The following BBX variants were observed in gnomAD, a reference collection of about 807,000 sequenced individuals.
The protein encoded by BBX is BBX high mobility group box domain containing.
Under a neutral mutation model 100.2 loss-of-function variants are expected in BBX, and 30 were observed. The ratio of observed to expected loss-of-function variants is 0.30; its 90% CI spans 0.22 to 0.41. The LOEUF is 0.41. Among genes scored for constraint, BBX ranks in the 10% least tolerant of loss-of-function variants. The pLI is 1.00. For synonymous variants in BBX, 376 were observed against 388.1 expected (o/e 0.97, Z 0.37); for missense variants, 1,023 against 1,129.8 (o/e 0.91, Z 1.35).
At position 107,772,988 on chromosome 3, in the gene BBX, C is replaced by A. The variant is rs1371986339; in HGVS notation, c.1267C>A (p.Pro423Thr). 6.2e-7 allele frequency: 1 copy of A among 1,613,838 alleles called. No homozygotes were observed. Among genetic ancestry groups the A allele is most frequent in the Non-Finnish European group, 8.5e-7 (1 of 1,179,952 alleles). Residue 423 changes from proline to threonine, a missense_variant, in exon 11 of 18, where the codon CCC becomes ACC. Physicochemically the swap from Pro to Thr is conservative, Grantham distance 38. Around this residue, in one of 9 missense-constraint regions of BBX, gnomAD observed 348 missense variants for 353.2 expected, o/e 0.99. Coordinates refer to ENST00000325805, the MANE Select transcript of BBX (RefSeq NM_001142568.3). ...TAGCAAGATAATAATTAGTGATGTT[C>A]CCAGTAGAAAGGATCATATGTGCCA... ...ASSKIIISDV[P>T]SRKDHMCHPH...
At chr3:107,551,190 G>C (rs1478772492) in intron 2 of BBX, among the ~76,000 whole-genome samples, 2 of 152,108 alleles carry the variant, frequency 1.3e-5, no homozygotes, top group Non-Finnish European at 2.9e-5. Flanking sequence ...TATATTCTGT[G>C]TTATACATAC....
chr3:107,573,736 T>C lies in BBX; in HGVS notation c.-84+47338T>C, dbSNP rs183782684. 2.0e-3 allele frequency among the ~76,000 whole-genome samples: 304 copies of C among 152,004 alleles called. 1 individual carries two copies. The highest frequency in any genetic ancestry group is 7.0e-3 in the African/African-American group (292 of 41,484). ...GTCCTAATTTAAAATCTCTCTCTCTTTTTTTTTGAGGTAAGGTTTCGCTCT... is the reference window on the plus strand; with the variant it reads ...GTCCTAATTTAAAATCTCTCTCTCTCTTTTTTTGAGGTAAGGTTTCGCTCT... On this transcript the variant is annotated intron_variant, in intron 2 of 17. Coordinates refer to ENST00000325805, the MANE Select transcript of BBX (RefSeq NM_001142568.3).
rs541627555 is a variant in BBX, at chr3:107,698,771, A to G, written c.-9-11681A>G. Among the ~76,000 whole-genome samples, 6 of 147,728 alleles carry G rather than the reference A, an allele frequency of 4.1e-5. 1 individual carries two copies. Among genetic ancestry groups the G allele is most frequent in the African/African-American group, 1.5e-4 (6 of 40,936 alleles). ...GATAATTATTTCTCTTCTGAGGTCA[A>G]AATTACAAATAGAGAGTCATTTTTT... On this transcript the variant is annotated intron_variant, in intron 3 of 17. Coordinates refer to ENST00000325805, the MANE Select transcript of BBX (RefSeq NM_001142568.3).
At chr3:107,790,676 C>T (rs1330222154) in intron 14 of BBX, among the ~76,000 whole-genome samples, 2 of 152,162 alleles carry the variant, frequency 1.3e-5, no homozygotes, top group East Asian at 1.9e-4. Flanking sequence ...ATGTTAGTGT[C>T]GTGACTACCA....
At chr3:107,717,249 G>A (rs79840612) in intron 5 of BBX, among the ~76,000 whole-genome samples, 3,592 of 151,922 alleles carry the variant, frequency 0.024, 146 homozygotes, top group African/African-American at 0.078. Context: ...TACTTTTATT[G>A]TCAGAGAATG....
intron 2 of BBX, among the ~76,000 whole-genome samples, chr3:107,634,972 G>T (rs1464369589): frequency 6.6e-6 from 1 of 152,170 alleles, no homozygotes; most frequent in Non-Finnish European, 1.5e-5. Flanking sequence ...ATGTTCATGT[G>T]TGACCATATC....
At chr3:107,647,734 G>T (rs1015943986) in intron 3 of BBX, among the ~76,000 whole-genome samples, 1 of 152,162 alleles carries the variant, frequency 6.6e-6, no homozygotes, top group Non-Finnish European at 1.5e-5. Flanking sequence ...TATCAGAAGA[G>T]CCTCCAAATC....
intron 2 of BBX, among the ~76,000 whole-genome samples, chr3:107,534,242 G>A (rs1228199629): frequency 6.6e-6 from 1 of 152,162 alleles, no homozygotes; most frequent in Non-Finnish European, 1.5e-5. Context: ...TAGCAATGCT[G>A]ATTCTTTTAA....
intron 11 of BBX, among the ~76,000 whole-genome samples, 164 bp from the exon 12 acceptor site, chr3:107,774,555 T>G (rs537521240): frequency 6.6e-6 from 1 of 152,274 alleles, no homozygotes; most frequent in African/African-American, 2.4e-5. Flanking sequence ...GTTCCATTAT[T>G]AAAGATGGTC....
At chr3:107,804,681 G>C (rs1251582406) in intron 17 of BBX, among the ~76,000 whole-genome samples, 2 of 152,256 alleles carry the variant, frequency 1.3e-5, no homozygotes, top group Middle Eastern at 6.8e-3. Context: ...CCCTCCATGT[G>C]TATTGATTTT....
At chr3:107,793,492 T>A (rs1416387495) in intron 15 of BBX, among the ~76,000 whole-genome samples, 1 of 152,176 alleles carries the variant, frequency 6.6e-6, no homozygotes, top group Non-Finnish European at 1.5e-5. Flanking sequence ...GGTTTTTCAT[T>A]TTCTTACTAT....
At chr3:107,792,493 A>G (rs1481347076) in intron 15 of BBX, among the ~76,000 whole-genome samples, 2 of 152,332 alleles carry the variant, frequency 1.3e-5, no homozygotes, top group Non-Finnish European at 1.5e-5. Flanking sequence ...GTCAAGTTTG[A>G]GTTCATGTTA....
intron 3 of BBX, among the ~76,000 whole-genome samples, chr3:107,658,724 G>GTC (rs2058280809): frequency 6.6e-6 from 1 of 152,092 alleles, no homozygotes; most frequent in Non-Finnish European, 1.5e-5. Flanking sequence ...CTTTGTTTGT[G>GTC]TGTGTGTGTG....
intron 3 of BBX, among the ~76,000 whole-genome samples, chr3:107,670,394 T>C (rs1222714403): frequency 6.6e-6 from 1 of 152,102 alleles, no homozygotes; most frequent in Non-Finnish European, 1.5e-5. Context: ...AATAATAATA[T>C]ATAGTTTCAA....
chr3:107,613,944 T>G (rs1252783343), intron 2 of BBX, among the ~76,000 whole-genome samples: 1 of 109,554 alleles, frequency 9.1e-6, no homozygotes, highest in African/African-American at 5.1e-5. Context: ...TACCATGGTT[T>G]TTTTTTTTTT....
chr3:107,725,181 G>A (rs1385599443), intron 5 of BBX, among the ~76,000 whole-genome samples: 2 of 152,084 alleles, frequency 1.3e-5, no homozygotes, highest in Non-Finnish European at 2.9e-5. Context: ...TTGTGAAGGG[G>A]AGTTCACTCA....
At chr3:107,621,814 C>T (rs1188786943) in intron 2 of BBX, among the ~76,000 whole-genome samples, 3 of 152,144 alleles carry the variant, frequency 2.0e-5, no homozygotes, top group African/African-American at 4.8e-5. Context: ...TTCAGTGCCA[C>T]GGGCCAAATT....
intron 11 of BBX, 36 bp from the exon 12 acceptor site, chr3:107,774,683 T>C: frequency 1.2e-6 from 2 of 1,606,780 alleles, no homozygotes; most frequent in Non-Finnish European, 8.5e-7. Context: ...CGCCCACCTG[T>C]ATACCAAACA....
chr3:107,545,034 T>A (rs1046922511), intron 2 of BBX, among the ~76,000 whole-genome samples: 14 of 151,932 alleles, frequency 9.2e-5, no homozygotes, highest in South Asian at 2.1e-4. Context: ...AAAAATTTTT[T>A]AAAAAGTAAT....
Sources: allele counts gnomAD v4.1 joint callset (sites outside exome capture counted in the v4.1 genomes callset), GRCh38; gene constraint gnomAD v4.1.1; regional missense constraint gnomAD v4.1.1; transcripts MANE v1.5; gene names NCBI Gene and HGNC (gene_info 2026-07-23, HGNC 2026-07-21).